PTPRN2: variants seen among roughly 807,000 people sequenced by gnomAD.
PTPRN2 encodes the protein receptor-type tyrosine-protein phosphatase N2.
Under a neutral mutation model 118.8 loss-of-function variants are expected in PTPRN2, and 74 were observed. That is an observed-to-expected ratio of 0.62 (90% confidence interval 0.52 to 0.76). PTPRN2 has a LOEUF of 0.76. Among genes scored for constraint, PTPRN2 ranks in the 30% least tolerant of loss-of-function variants. PTPRN2 has a pLI of 0.00. For missense variants in PTPRN2, 1,481 were observed against 1,394.4 expected, an observed-to-expected ratio of 1.06 and a Z score of -0.99; for synonymous variants, 641 against 608.0, an observed-to-expected ratio of 1.05 and a Z score of -0.80.
intron 11 of PTPRN2, among the ~76,000 whole-genome samples, chr7:158,006,437 C>T (rs1805636455): frequency 6.6e-6 from 1 of 152,250 alleles, no homozygotes; most frequent in Non-Finnish European, 1.5e-5. Context: ...AGAAACACAG[C>T]TGACCTCCTG....
chr7:158,199,420 G>A (rs868344205), intron 4 of PTPRN2, among the ~76,000 whole-genome samples: 1 of 152,242 alleles, frequency 6.6e-6, no homozygotes, highest in Non-Finnish European at 1.5e-5. Flanking sequence ...TGTGTGGGAA[G>A]AGAAGAACCA....
intron 12 of PTPRN2, chr7:157,863,882 G>A (rs1452860686): frequency 3.9e-5 from 6 of 152,318 alleles, no homozygotes; most frequent in Middle Eastern, 6.8e-3. Context: ...CTCTGCCCAC[G>A]CCTCGACCTC....
At chr7:158,061,341 T>C (rs1810317881) in intron 11 of PTPRN2, among the ~76,000 whole-genome samples, 1 of 152,186 alleles carries the variant, frequency 6.6e-6, no homozygotes, top group Non-Finnish European at 1.5e-5. Context: ...ACAGGCACAG[T>C]CCCCACGTGC....
intron 2 of PTPRN2, among the ~76,000 whole-genome samples, chr7:158,348,633 C>T (rs1363881145): frequency 1.3e-5 from 2 of 152,194 alleles, no homozygotes; most frequent in Non-Finnish European, 2.9e-5. Flanking sequence ...GTCCTTCCCT[C>T]CCTCACAGAG....
chr7:158,029,018 G>A (rs545435629), intron 11 of PTPRN2: 2 of 152,312 alleles, frequency 1.3e-5, no homozygotes, highest in South Asian at 2.1e-4. Context: ...AGCACATGGG[G>A]CTATTTTGCT....
chr7:157,616,149 G>A (rs1435490573), intron 15 of PTPRN2: 1 of 157,166 alleles, frequency 6.4e-6, no homozygotes, highest in Non-Finnish European at 1.4e-5. Flanking sequence ...TCGGAAGGAG[G>A]ATGTGAGAAG....
chr7:158,296,796 T>C (rs959145986), intron 3 of PTPRN2, among the ~76,000 whole-genome samples: 1 of 152,220 alleles, frequency 6.6e-6, no homozygotes, highest in African/African-American at 2.4e-5. Context: ...ACCCACTCTC[T>C]TCTGGGTGGC....
chr7:157,750,935 C>A (rs1801424934), intron 12 of PTPRN2, among the ~76,000 whole-genome samples: 1 of 152,226 alleles, frequency 6.6e-6, no homozygotes, highest in East Asian at 1.9e-4. Context: ...CCTGGACGAG[C>A]CAGGGCTCGC....
At chr7:158,050,927 C>T (rs560878425) in intron 11 of PTPRN2, among the ~76,000 whole-genome samples, 48 of 152,344 alleles carry the variant, frequency 3.2e-4, no homozygotes, top group African/African-American at 4.1e-4. Flanking sequence ...GCTCTCCCCA[C>T]GGCAGGAGTG....
chr7:157,824,035 C>T (rs1418138820), intron 12 of PTPRN2, among the ~76,000 whole-genome samples: 1 of 152,174 alleles, frequency 6.6e-6, no homozygotes, highest in Non-Finnish European at 1.5e-5. Flanking sequence ...ACTTCAAGCC[C>T]TCATAGAGAA....
intron 11 of PTPRN2, among the ~76,000 whole-genome samples, chr7:158,008,663 C>CA (rs1217370860): frequency 6.6e-6 from 1 of 152,234 alleles, no homozygotes; most frequent in African/African-American, 2.4e-5. Context: ...GACGTGTCTC[C>CA]ATGGGGCCTT....
intron 9 of PTPRN2, among the ~76,000 whole-genome samples, chr7:158,131,025 C>A (rs1818191561): frequency 7.1e-6 from 1 of 141,218 alleles, no homozygotes; most frequent in South Asian, 2.2e-4. Context: ...TACTCATATA[C>A]ACACACTTAT....
At chr7:157,965,616 ACTGGGAC>A (rs1801870710) in intron 11 of PTPRN2, among the ~76,000 whole-genome samples, 1 of 152,200 alleles carries the variant, frequency 6.6e-6, no homozygotes, top group Non-Finnish European at 1.5e-5. Context: ...TGCCATGAGA[ACTGGGAC>A]CTCAGGAGGG....
chr7:158,417,131 TCA>T (rs952781963), intron 2 of PTPRN2, among the ~76,000 whole-genome samples: 3 of 152,002 alleles, frequency 2.0e-5, no homozygotes, highest in African/African-American at 4.8e-5. Flanking sequence ...GCCGTAGCTC[TCA>T]GTGTCCTGGT....
intron 1 of PTPRN2, among the ~76,000 whole-genome samples, chr7:158,534,675 T>A (rs1825535004): frequency 6.6e-6 from 1 of 152,132 alleles, no homozygotes; most frequent in Non-Finnish European, 1.5e-5. Flanking sequence ...GCTCCCCCCA[T>A]CACCCAGGCC....
chr7:157,540,682 G>C lies in PTPRN2; in HGVS notation c.*32C>G, dbSNP rs1122307. The C allele has an allele frequency of 6.7e-7, 1 of 1,484,172 alleles. No homozygotes were observed. Among genetic ancestry groups the C allele is most frequent in the Admixed American group, 2.0e-5 (1 of 50,214 alleles). The allele number at this position is 1,484,172 out of a possible 1,614,324, so 91.9% of individuals were successfully genotyped here. ...TGATTCCTGACAACATCCGTGGGGT[G>C]GGGGCTCCCCTGAGGCCCCTGAGGC... is the stretch of plus-strand genomic sequence containing the variant. On this transcript the variant is annotated 3_prime_UTR_variant, in exon 23 of 23. Transcript: ENST00000389418.
At chr7:157,875,280 A>G (rs984353364) in intron 12 of PTPRN2, among the ~76,000 whole-genome samples, 4 of 152,158 alleles carry the variant, frequency 2.6e-5, no homozygotes, top group African/African-American at 9.7e-5. Flanking sequence ...CTCCTTCTTC[A>G]AACAAGAGAA....
At chr7:157,551,876 C>T (rs577939504) in intron 21 of PTPRN2, among the ~76,000 whole-genome samples, 41 of 146,420 alleles carry the variant, frequency 2.8e-4, no homozygotes, top group Admixed American at 5.4e-4. Flanking sequence ...ATGGGCACCA[C>T]GCACCCCACA....
At chr7:158,323,826 C>G (rs1803233628) in intron 2 of PTPRN2, among the ~76,000 whole-genome samples, 1 of 152,174 alleles carries the variant, frequency 6.6e-6, no homozygotes, top group Non-Finnish European at 1.5e-5. Flanking sequence ...TCCAACCTTA[C>G]ACCACACGTG....
Sources: gnomAD v4.1 joint callset for allele counts (sites outside exome capture counted in the v4.1 genomes callset) on GRCh38, gnomAD v4.1.1 for gene constraint, MANE v1.5 for transcripts, NCBI Gene and HGNC (gene_info 2026-07-23, HGNC 2026-07-21) for gene names.